The following PDSS2 variants were observed in gnomAD, a reference collection of about 807,000 sequenced individuals.
PDSS2 encodes the protein all trans-polyprenyl-diphosphate synthase PDSS2.
PDSS2 carries 31 observed loss-of-function variants against 44.5 expected under a neutral mutation model. The observed-to-expected ratio is 0.70, with a 90% CI of 0.52 to 0.94. PDSS2 has a LOEUF of 0.94. Ranked by LOEUF, PDSS2 falls within the 40% of genes least tolerant of loss-of-function variation. The probability of loss-of-function intolerance (pLI) is 0.00; values close to 1 mark genes in which losing one functional copy is unlikely to be tolerated. For missense variants in PDSS2, 452 were observed against 482.2 expected (o/e 0.94, Z 0.59); for synonymous variants, 157 against 180.3 (o/e 0.87, Z 1.03).
At chr6:107,284,340 A>G (rs1290336005) in intron 2 of PDSS2, among the ~76,000 whole-genome samples, 1 of 152,072 alleles carries the variant, frequency 6.6e-6, no homozygotes, top group African/African-American at 2.4e-5. Flanking sequence ...CATCAAGAAC[A>G]TCTGTGGACC....
intron 4 of PDSS2, among the ~76,000 whole-genome samples, chr6:107,232,862 C>T (rs1275806858): frequency 6.6e-6 from 1 of 151,258 alleles, no homozygotes; most frequent in Admixed American, 6.6e-5. Context: ...TTTTTTGAGA[C>T]AGGGTCTTGC....
intron 1 of PDSS2, among the ~76,000 whole-genome samples, chr6:107,458,211 C>A (rs972614380): frequency 2.6e-5 from 4 of 151,038 alleles, no homozygotes; most frequent in African/African-American, 9.7e-5. Flanking sequence ...TTTGGCCGGG[C>A]ACGGTGGCTC....
intron 6 of PDSS2, chr6:107,197,753 TCA>T: frequency 2.2e-6 from 1 of 461,524 alleles, no homozygotes; most frequent in Non-Finnish European, 4.5e-6. Flanking sequence ...TGTCATTTCC[TCA>T]CTGTCAATGT....
chr6:107,227,278 C>CT (rs60988844), intron 4 of PDSS2, among the ~76,000 whole-genome samples: 1,118 of 102,604 alleles, frequency 0.011, 193 homozygotes, highest in African/African-American at 0.033. Context: ...CCACTGTGCC[C>CT]TTTTTTTTTT....
rs73513152 is a variant in PDSS2, at chr6:107,373,472, A to C, written c.297-39140T>G. ...ACCTATAAACAGGAAACAACGTGTT[A>C]AATTTATACCTCAGGACTTGTTCTG... On this transcript the variant is annotated intron_variant, in intron 1 of 7. Transcript: ENST00000369037. 6.1e-3 allele frequency among the ~76,000 whole-genome samples: 930 copies of C among 152,320 alleles called. 6 individuals are homozygous for C. Among genetic ancestry groups the C allele is most frequent in the African/African-American group, 0.022 (909 of 41,574 alleles).
At chr6:107,170,862 C>T (rs969743976) in intron 7 of PDSS2, among the ~76,000 whole-genome samples, 17 of 152,136 alleles carry the variant, frequency 1.1e-4, no homozygotes, top group African/African-American at 3.9e-4. Context: ...ATCCTCCCAC[C>T]TCAGCCTCCC....
At chr6:107,400,026 G>A (rs9373947) in intron 1 of PDSS2, among the ~76,000 whole-genome samples, 19,409 of 152,010 alleles carry the variant, frequency 0.13, 1,476 homozygotes, top group East Asian at 0.24. Context: ...TGCACTGCAG[G>A]TCAAGCAGAA....
chr6:107,344,072 T>G (rs1321659982), intron 1 of PDSS2, among the ~76,000 whole-genome samples: 3 of 152,198 alleles, frequency 2.0e-5, no homozygotes, highest in Non-Finnish European at 2.9e-5. Context: ...TTAAGTGACA[T>G]TTAATGAACT....
intron 1 of PDSS2, among the ~76,000 whole-genome samples, chr6:107,445,327 T>A (rs11758755): frequency 2.0e-5 from 3 of 152,062 alleles, no homozygotes; most frequent in Admixed American, 6.6e-5. Flanking sequence ...ATCCTACCAA[T>A]CTATGTCACA....
intron 7 of PDSS2, among the ~76,000 whole-genome samples, chr6:107,165,837 T>G (rs1452831564): frequency 5.9e-5 from 9 of 152,186 alleles, no homozygotes; most frequent in Admixed American, 3.3e-4. Context: ...TTCTTTTATT[T>G]CGTTGAGCAG....
At chr6:107,356,235 A>G (rs908417449) in intron 1 of PDSS2, among the ~76,000 whole-genome samples, 3 of 152,224 alleles carry the variant, frequency 2.0e-5, no homozygotes, top group African/African-American at 7.2e-5. Flanking sequence ...GGAAGCCCTC[A>G]GTGTTTGAGC....
intron 1 of PDSS2, among the ~76,000 whole-genome samples, chr6:107,357,852 T>C (rs1049727452): frequency 6.6e-5 from 10 of 152,230 alleles, no homozygotes; most frequent in Non-Finnish European, 1.5e-4. Context: ...ACTGCAGTAG[T>C]GATAATCTTG....
rs532065006 is a variant in PDSS2 at position 107,294,585 on chromosome 6, T to C, written c.432-20358A>G. Among the ~76,000 whole-genome samples, 6 of 152,204 alleles carry C rather than the reference T, an allele frequency of 3.9e-5. No homozygotes were observed. The South Asian group carries it at 6.2e-4, about 16-fold the overall frequency. On this transcript the variant is annotated intron_variant, in intron 2 of 7. Transcript: ENST00000369037. ...TTTAAACCATAGACAATAGGTGCCA[T>C]TGGCAGGTACTAAGTGTACAGCTTA...
intron 1 of PDSS2, among the ~76,000 whole-genome samples, chr6:107,357,659 CTCTAAAT>C (rs1778633948): frequency 2.0e-5 from 3 of 152,106 alleles, no homozygotes; most frequent in Non-Finnish European, 4.4e-5. Flanking sequence ...CAACCTCCAG[CTCTAAAT>C]TCAGTGCATT....
intron 7 of PDSS2, among the ~76,000 whole-genome samples, chr6:107,163,634 G>T (rs143199841): frequency 1.1e-4 from 16 of 149,322 alleles, no homozygotes; most frequent in African/African-American, 3.7e-4. Flanking sequence ...ACGGAGTCTT[G>T]CTCTGTCACC....
At chr6:107,182,615 A>C (rs1423367037) in intron 7 of PDSS2, among the ~76,000 whole-genome samples, 1 of 152,146 alleles carries the variant, frequency 6.6e-6, no homozygotes, top group Non-Finnish European at 1.5e-5. Flanking sequence ...ATAAACCACC[A>C]CACCCGGCCT....
intron 1 of PDSS2, among the ~76,000 whole-genome samples, chr6:107,385,632 G>A (rs1440141892): frequency 6.6e-6 from 1 of 152,180 alleles, no homozygotes; most frequent in Non-Finnish European, 1.5e-5. Context: ...CAGTAAGGAA[G>A]TTTCAGTTGA....
chr6:107,259,535 C>T (rs561092485), intron 3 of PDSS2, among the ~76,000 whole-genome samples: 20 of 152,034 alleles, frequency 1.3e-4, no homozygotes, highest in African/African-American at 4.3e-4. Flanking sequence ...ATTAGCCGGG[C>T]GTGGTGGCAC....
chr6:107,415,300 A>C (rs1464138459), intron 1 of PDSS2, among the ~76,000 whole-genome samples: 2 of 152,152 alleles, frequency 1.3e-5, no homozygotes, highest in Non-Finnish European at 2.9e-5. Context: ...TTTTAACACA[A>C]TTTGGAACAA....
Sources: gnomAD v4.1 joint callset for allele counts (sites outside exome capture counted in the v4.1 genomes callset) on GRCh38, gnomAD v4.1.1 for gene constraint, MANE v1.5 for transcripts, NCBI Gene and HGNC (gene_info 2026-07-23, HGNC 2026-07-21) for gene names.